MID1: variants seen among roughly 807,000 people sequenced by gnomAD.
MID1 encodes E3 ubiquitin-protein ligase Midline-1.
In MID1, 7 loss-of-function variants were observed where a neutral mutation model predicts 40.4. The ratio of observed to expected loss-of-function variants is 0.17; its 90% CI spans 0.10 to 0.33. MID1 has a LOEUF of 0.33. MID1 is among the 10% of genes least tolerant of loss of function. The pLI is 1.00. For missense variants in MID1, 367 were observed against 558.5 expected (o/e 0.66, Z 3.46); for synonymous variants, 229 against 221.2 (o/e 1.04, Z -0.31).
chrX:10,792,287 C>A (rs761439426), intron 1 of MID1, among the ~76,000 whole-genome samples: 1 of 111,319 alleles, frequency 9.0e-6, no homozygotes, highest in South Asian at 3.8e-4. Context: ...CTGCACCAGA[C>A]TAGAAAGAAG....
At chrX:10,523,208 A>T in intron 2 of MID1, 21 bp from the exon 3 acceptor site, 1 of 1,040,305 alleles carries the variant, frequency 9.6e-7, no homozygotes, top group Non-Finnish European at 1.3e-6. Context: ...AAAAAAAAAA[A>T]AGAGGAAAAA....
chrX:10,731,092 A>G (rs1266744220), intron 1 of MID1, among the ~76,000 whole-genome samples: 2 of 111,971 alleles, frequency 1.8e-5, no homozygotes, highest in African/African-American at 6.5e-5. Flanking sequence ...ATTTGAGATG[A>G]AAAGAATATT....
intron 8 of MID1, 116 bp downstream of exon 8, chrX:10,459,530 T>C (rs763884036): frequency 4.5e-5 from 37 of 831,139 alleles, no homozygotes; most frequent in Non-Finnish European, 6.4e-5. Context: ...TTTTTACTTG[T>C]TTTGGGGGGC....
At chrX:10,783,779 T>A (rs2043861953) in intron 1 of MID1, among the ~76,000 whole-genome samples, 1 of 111,750 alleles carries the variant, frequency 8.9e-6, no homozygotes, top group African/African-American at 3.3e-5. Context: ...GCCTGCTTCA[T>A]CATTTCTTTA....
At chrX:10,520,811 G>C (rs1464659869) in intron 3 of MID1, among the ~76,000 whole-genome samples, 1 of 111,534 alleles carries the variant, frequency 9.0e-6, no homozygotes, top group African/African-American at 3.3e-5. Context: ...AATTAGATTT[G>C]ATTCCCATCC....
chrX:10,613,712 TATATATATATATATATATATAGAGAG>T (rs1432676379), intron 1 of MID1, among the ~76,000 whole-genome samples: 53 of 50,541 alleles, frequency 1.0e-3, no homozygotes, highest in African/African-American at 5.2e-3. Context: ...TATATATATA[TATATATATATATATATATATAGAGAG>T]AGAGAGAGAG....
intron 1 of MID1, among the ~76,000 whole-genome samples, chrX:10,712,336 G>A (rs1228782030): frequency 9.0e-6 from 1 of 111,400 alleles, no homozygotes; most frequent in Non-Finnish European, 1.9e-5. Flanking sequence ...GGGCAAGTGG[G>A]TTCAAGCATG....
chrX:10,715,835 T>A (rs987365042), intron 1 of MID1, among the ~76,000 whole-genome samples: 23 of 111,588 alleles, frequency 2.1e-4, no homozygotes, highest in Middle Eastern at 4.2e-3. Context: ...CAGGTACTCC[T>A]CTGAGACAAA....
intron 3 of MID1, among the ~76,000 whole-genome samples, chrX:10,520,407 G>A (rs1932649310): frequency 8.9e-6 from 1 of 111,744 alleles, no homozygotes; most frequent in African/African-American, 3.3e-5. Flanking sequence ...GCACCTGATT[G>A]GCTACTCTAC....
intron 1 of MID1, among the ~76,000 whole-genome samples, chrX:10,666,130 A>T (rs1185133869): frequency 9.0e-6 from 1 of 110,945 alleles, no homozygotes; most frequent in Non-Finnish European, 1.9e-5. Context: ...AGAGTGAAAT[A>T]GGGAAAGGCT....
At chrX:10,593,688 T>G (rs1255401603) in intron 1 of MID1, among the ~76,000 whole-genome samples, 1 of 108,277 alleles carries the variant, frequency 9.2e-6, no homozygotes, top group Non-Finnish European at 1.9e-5. Flanking sequence ...AGGATAAGAC[T>G]GGGACTCATG....
chrX:10,616,696 G>A (rs1416393161), intron 1 of MID1, among the ~76,000 whole-genome samples: 3 of 112,446 alleles, frequency 2.7e-5, no homozygotes, highest in African/African-American at 9.7e-5. Flanking sequence ...CTAAAAACAT[G>A]ACTCAAAAAA....
chrX:10,621,076 AAAAT>A (rs1935928328), upstream of MID1, among the ~76,000 whole-genome samples: 1 of 112,421 alleles, frequency 8.9e-6, no homozygotes, highest in Non-Finnish European at 1.9e-5. Flanking sequence ...CAATTTAAGA[AAAAT>A]AAATCTTAAT....
At chrX:10,718,765 T>A (rs2043324988) in intron 1 of MID1, among the ~76,000 whole-genome samples, 1 of 111,635 alleles carries the variant, frequency 9.0e-6, no homozygotes, top group African/African-American at 3.3e-5. Context: ...TTTAGACCAA[T>A]ATACCTGATG....
chrX:10,786,731 A>G (rs2043887030), intron 1 of MID1, among the ~76,000 whole-genome samples: 2 of 103,084 alleles, frequency 1.9e-5, no homozygotes, highest in South Asian at 9.5e-4. Flanking sequence ...AAAACCAAAC[A>G]CCACATGTTC....
At chrX:10,451,375 C>G (rs1928327858) in intron 9 of MID1, among the ~76,000 whole-genome samples, 1 of 111,383 alleles carries the variant, frequency 9.0e-6, no homozygotes, top group Admixed American at 9.6e-5. Context: ...TAGATGAGCG[C>G]CTGAGTACAC....
chrX:10,800,428 C>A (rs1186567409), intron 1 of MID1, among the ~76,000 whole-genome samples: 2 of 112,142 alleles, frequency 1.8e-5, no homozygotes, highest in East Asian at 5.6e-4. Context: ...CCTAGTGAGA[C>A]CCTGATCAGA....
intron 1 of MID1, among the ~76,000 whole-genome samples, chrX:10,692,371 A>G (rs1290383233): frequency 9.0e-6 from 1 of 111,520 alleles, no homozygotes; most frequent in Non-Finnish European, 1.9e-5. Context: ...GAAAATAGAA[A>G]AGAATATACG....
chrX:10,494,771 CAAA>C (rs58092232), intron 4 of MID1, among the ~76,000 whole-genome samples: 1,230 of 31,904 alleles, frequency 0.039, 16 homozygotes, highest in South Asian at 0.086. Context: ...AAGACTGTCT[CAAA>C]AAAAAAAAAA....
Sources: gnomAD v4.1 joint callset for allele counts (sites outside exome capture counted in the v4.1 genomes callset) on GRCh38, gnomAD v4.1.1 for gene constraint, MANE v1.5 for transcripts, NCBI Gene and HGNC (gene_info 2026-07-23, HGNC 2026-07-21) for gene names.